CSMD1: variants seen among roughly 807,000 people sequenced by gnomAD.
CSMD1 encodes CUB and Sushi multiple domains 1.
A neutral mutation model predicts 417.5 loss-of-function variants in CSMD1; 213 were observed. The ratio of observed to expected loss-of-function variants is 0.51; its 90% CI spans 0.46 to 0.57. The LOEUF (loss-of-function observed/expected upper bound fraction) is 0.57, where lower values mean the gene tolerates loss of function less well. Among genes scored for constraint, CSMD1 ranks in the 20% least tolerant of loss-of-function variants. The pLI is 0.00. For synonymous variants in CSMD1, 2,862 were observed against 1,736.8 expected, an observed-to-expected ratio of 1.65 and a Z score of -16.11; for missense variants, 6,923 against 4,529.7, an observed-to-expected ratio of 1.53 and a Z score of -15.17.
At chr8:3,874,513 G>T (rs530737646) in intron 5 of CSMD1, among the ~76,000 whole-genome samples, 1 of 152,168 alleles carries the variant, frequency 6.6e-6, no homozygotes, top group Non-Finnish European at 1.5e-5. Context: ...TGAAACACAT[G>T]CTGTCGGCGT....
intron 5 of CSMD1, among the ~76,000 whole-genome samples, chr8:3,877,913 T>C (rs528729778): frequency 1.2e-4 from 18 of 151,156 alleles, no homozygotes; most frequent in Non-Finnish European, 2.5e-4. Context: ...TAAATCATTT[T>C]ATAGGTCGTG....
chr8:4,623,699 T>C (rs1563343795), intron 2 of CSMD1, among the ~76,000 whole-genome samples: 1 of 152,120 alleles, frequency 6.6e-6, no homozygotes, highest in Non-Finnish European at 1.5e-5. Flanking sequence ...TCAAAATCAT[T>C]ATTCTGAGTG....
intron 8 of CSMD1, among the ~76,000 whole-genome samples, chr8:3,587,314 T>C (rs13266061): frequency 0.35 from 53,362 of 152,128 alleles, 10,482 homozygotes; most frequent in Middle Eastern, 0.44. Context: ...GCTTCTGGCA[T>C]TGAATTAAAT....
intron 3 of CSMD1, among the ~76,000 whole-genome samples, chr8:4,215,483 C>T (rs920620587): frequency 7.7e-5 from 10 of 129,886 alleles, no homozygotes; most frequent in African/African-American, 2.4e-4. Flanking sequence ...ATTTGGGGGC[C>T]GGGGTTTTAT....
At chr8:3,653,838 T>C (rs1797976560) in intron 7 of CSMD1, among the ~76,000 whole-genome samples, 1 of 152,194 alleles carries the variant, frequency 6.6e-6, no homozygotes, top group Non-Finnish European at 1.5e-5. Context: ...TTTAAATATA[T>C]ATATTTATCT....
intron 3 of CSMD1, among the ~76,000 whole-genome samples, chr8:4,197,617 G>A (rs545395088): frequency 1.1e-3 from 175 of 152,312 alleles, no homozygotes; most frequent in African/African-American, 4.1e-3. Context: ...GGTGGCTCAT[G>A]CCTGAAATCC....
intron 1 of CSMD1, among the ~76,000 whole-genome samples, chr8:4,916,909 G>GATA (rs1371767904): frequency 2.0e-5 from 3 of 152,324 alleles, no homozygotes; most frequent in African/African-American, 7.2e-5. Flanking sequence ...ACTGGTGATG[G>GATA]ATACCAACAT....
chr8:4,406,654 A>C (rs1050724677), intron 3 of CSMD1, among the ~76,000 whole-genome samples: 8 of 152,096 alleles, frequency 5.3e-5, no homozygotes, highest in African/African-American at 1.9e-4. Context: ...AAGCATGGGC[A>C]CTCCTCCTGG....
chr8:3,246,753 G>C (rs1331800442), intron 26 of CSMD1, among the ~76,000 whole-genome samples: 1 of 152,186 alleles, frequency 6.6e-6, no homozygotes. Flanking sequence ...GATTACAGGT[G>C]TGAACCACCG....
At chr8:4,224,002 C>A (rs2128809850) in intron 3 of CSMD1, among the ~76,000 whole-genome samples, 1 of 152,034 alleles carries the variant, frequency 6.6e-6, no homozygotes, top group East Asian at 1.9e-4. Flanking sequence ...TTCTTTAAAC[C>A]CAAACTCGTA....
rs184338608 is a variant in CSMD1, at chr8:3,313,481, C to A, written c.3632-4978G>T. On this transcript the variant is annotated intron_variant, in intron 23 of 69. Transcript: ENST00000635120. The stretch of plus-strand genomic sequence containing the variant: ...TGAACAGACACCTCTCAAAAGATGA[C>A]ATTTATGCAGCCAAAAGACACATGA... 1.7e-3 allele frequency among the ~76,000 whole-genome samples: 255 copies of A among 152,308 alleles called. 1 individual carries two copies. Among genetic ancestry groups the A allele is most frequent in the African/African-American group, 5.8e-3 (242 of 41,558 alleles).
Position 3,251,033 on chromosome 8 carries a change from A to C in CSMD1, c.4154-20802T>G, listed in dbSNP as rs1230993093. 3.3e-5 allele frequency among the ~76,000 whole-genome samples: 5 copies of C among 152,198 alleles called. No individual in the cohort carries two copies. In the East Asian group the frequency reaches 5.8e-4, roughly 18 times the overall value. On this transcript the variant is annotated intron_variant, in intron 26 of 69. Transcript: ENST00000635120. ...TAGGTTGCCTGTTCACTCTGATGGT[A>C]GTTTCTTTTGCTGTGCAGAAGCTCT...
At chr8:3,434,797 A>C (rs17322342) in intron 12 of CSMD1, among the ~76,000 whole-genome samples, 4,514 of 152,262 alleles carry the variant, frequency 0.03, 87 homozygotes, top group Non-Finnish European at 0.045. Flanking sequence ...ACAGTTCCTT[A>C]CACTTCTCGC....
intron 3 of CSMD1, among the ~76,000 whole-genome samples, chr8:4,352,292 A>T (rs1182470841): frequency 6.6e-6 from 1 of 152,242 alleles, no homozygotes; most frequent in Non-Finnish European, 1.5e-5. Context: ...CTTCCAGGTG[A>T]TTTAGAAAAT....
chr8:4,663,182 C>T (rs1030897972), intron 1 of CSMD1, among the ~76,000 whole-genome samples: 12 of 152,260 alleles, frequency 7.9e-5, no homozygotes, highest in African/African-American at 2.9e-4. Context: ...CTGGGAAGTG[C>T]TGGTTCTCTT....
chr8:3,445,147 T>A (rs151275693), intron 12 of CSMD1, among the ~76,000 whole-genome samples: 6 of 152,184 alleles, frequency 3.9e-5, no homozygotes, highest in African/African-American at 1.4e-4. Context: ...ACAACCTACA[T>A]CAAACAATCA....
intron 52 of CSMD1, among the ~76,000 whole-genome samples, chr8:3,001,056 C>T (rs896261952): frequency 2.0e-5 from 3 of 151,976 alleles, no homozygotes; most frequent in South Asian, 2.1e-4. Flanking sequence ...CACGGCTCAC[C>T]GTAGCCTCAA....
intron 51 of CSMD1, among the ~76,000 whole-genome samples, chr8:3,019,706 T>G (rs1181308245): frequency 6.6e-6 from 1 of 152,220 alleles, no homozygotes; most frequent in Non-Finnish European, 1.5e-5. Flanking sequence ...GTGTCCATTT[T>G]CACTCATGAA....
intron 49 of CSMD1, among the ~76,000 whole-genome samples, chr8:3,081,363 T>C (rs985592774): frequency 4.6e-5 from 7 of 152,284 alleles, no homozygotes; most frequent in Admixed American, 2.0e-4. Context: ...GAGAAAAAAA[T>C]AGAATGTCAA....
Sources: allele counts gnomAD v4.1 joint callset (sites outside exome capture counted in the v4.1 genomes callset), GRCh38; gene constraint gnomAD v4.1.1; transcripts MANE v1.5; gene names NCBI Gene and HGNC (gene_info 2026-07-23, HGNC 2026-07-21).